The following KCNH1 variants were observed in gnomAD, a reference collection of about 807,000 sequenced individuals.
KCNH1 encodes potassium voltage-gated channel subfamily H member 1.
KCNH1 carries 27 observed loss-of-function variants against 69.2 expected under a neutral mutation model. The ratio of observed to expected loss-of-function variants is 0.39; its 90% confidence interval spans 0.29 to 0.54. The LOEUF (loss-of-function observed/expected upper bound fraction) is 0.54. KCNH1 is among the 20% of genes least tolerant of loss of function. KCNH1 has a pLI of 0.68. For synonymous variants in KCNH1, 456 were observed against 487.7 expected (o/e 0.93, Z 0.86); for missense variants, 798 against 1,261.6 (o/e 0.63, Z 5.57).
chr1:211,093,581 T>C (rs1467470410), intron 3 of KCNH1, among the ~76,000 whole-genome samples: 5 of 152,240 alleles, frequency 3.3e-5, no homozygotes, highest in Non-Finnish European at 7.3e-5. Flanking sequence ...CCACTGCACC[T>C]GGCCATGTTC....
In KCNH1 at chr1:210,920,660, A is replaced by T. The variant is rs534298234; in HGVS notation, c.1033-591T>A. ...TAATTTCTATATTACTTTTATAATT[A>T]AAAAAATAAGTTTATAAATTTAAAA... On this transcript the variant is annotated intron_variant, in intron 6 of 10. Transcript: ENST00000271751. Among the ~76,000 whole-genome samples, 5 of 83,008 alleles carry T rather than the reference A, an allele frequency of 6.0e-5. No individual in the cohort carries two copies. In the East Asian group the frequency reaches 1.1e-3, roughly 19 times the overall value. 54.5% of individuals were successfully genotyped at this position (83,008 alleles called of 152,430 possible). A position where few individuals can be genotyped will look rare whatever the true frequency, so the allele number is the denominator to read the frequency against.
At chr1:210,751,173 C>G (rs183543944) in intron 10 of KCNH1, among the ~76,000 whole-genome samples, 171 of 152,204 alleles carry the variant, frequency 1.1e-3, no homozygotes, top group Non-Finnish European at 2.0e-3. Context: ...GTGTAGGAAA[C>G]TGAGAGGGTC....
intron 5 of KCNH1, 119 bp from the exon 6 acceptor site, chr1:211,019,375 A>C (rs967825091): frequency 2.2e-5 from 14 of 633,362 alleles, no homozygotes; most frequent in African/African-American, 3.6e-5. Flanking sequence ...GTCAGGTACA[A>C]TAACAGGTAT....
chr1:211,103,623 C>T, intron 2 of KCNH1, 21 bp from the exon 3 acceptor site: 1 of 1,470,088 alleles, frequency 6.8e-7, no homozygotes, highest in Non-Finnish European at 9.5e-7. Context: ...CCAAAGAACT[C>T]AAGTTAGATT....
In KCNH1 at chr1:211,134,134, C is replaced by T; in HGVS notation, c.-189G>A. Reference sequence around the variant, plus strand: ...CCTCTTCGCGCCTCCCTCCCTGCGGCCCGCCTCGCAGTGCACTCGCGCCGG... The same window carrying T: ...CCTCTTCGCGCCTCCCTCCCTGCGGTCCGCCTCGCAGTGCACTCGCGCCGG... On this transcript the variant is annotated 5_prime_UTR_variant, in exon 1 of 11. Coordinates refer to ENST00000271751, the MANE Select transcript of KCNH1 (RefSeq NM_172362.3). This position sits in a 1 kb window ranked among gnomAD's most constrained non-coding sequence, Gnocchi z 5.7. The T allele has an allele frequency of 2.1e-6, 1 of 481,234 alleles. No individual in the cohort carries two copies. The highest frequency in any genetic ancestry group is 3.6e-6 in the Non-Finnish European group (1 of 274,016). The allele number at this position is 481,234 out of a possible 1,614,324, so 29.8% of individuals were successfully genotyped here. A position where few individuals can be genotyped will look rare whatever the true frequency, so the allele number is the denominator to read the frequency against.
chr1:211,098,021 G>A (rs554128583), intron 3 of KCNH1, among the ~76,000 whole-genome samples: 34 of 152,296 alleles, frequency 2.2e-4, no homozygotes, highest in African/African-American at 7.0e-4. Context: ...GACAACTGTC[G>A]TTGATATAAG....
At chr1:211,006,975 A>T (rs369936518) in intron 6 of KCNH1, among the ~76,000 whole-genome samples, 2 of 152,152 alleles carry the variant, frequency 1.3e-5, no homozygotes, top group Non-Finnish European at 2.9e-5. Context: ...AAAAAGACAG[A>T]CAATATATGC....
intron 9 of KCNH1, among the ~76,000 whole-genome samples, chr1:210,782,827 T>C (rs149071190): frequency 1.3e-4 from 20 of 152,338 alleles, no homozygotes; most frequent in African/African-American, 4.8e-4. Context: ...GCACCATCTT[T>C]GAATCAGAAA....
intron 10 of KCNH1, among the ~76,000 whole-genome samples, chr1:210,726,845 A>T (rs1265970885): frequency 6.6e-6 from 1 of 152,102 alleles, no homozygotes; most frequent in Non-Finnish European, 1.5e-5. Flanking sequence ...CTATTCATTT[A>T]AAAGTGCAGG....
intron 6 of KCNH1, among the ~76,000 whole-genome samples, chr1:210,938,143 A>G (rs1268484546): frequency 6.6e-6 from 1 of 152,218 alleles, no homozygotes; most frequent in South Asian, 2.1e-4. Context: ...TGGGTCTATA[A>G]TCTCTCAAGT....
chr1:210,683,757 C>T lies in KCNH1; in HGVS notation c.2494G>A (p.Ala832Thr), dbSNP rs2149000906. 2 of 1,614,028 alleles carry T rather than the reference C, an allele frequency of 1.2e-6. No individual in the cohort carries two copies. The highest frequency in any genetic ancestry group is 1.7e-6 in the Non-Finnish European group (2 of 1,180,040). ...LGPKGGGGDC[A>T]KRKSWARFKD... ...AAGCGGGCCCAGCTTTTGCGCTTGG[C>T]ACAATCGCCCCCGCCCCCCTTGGGG... The change falls in exon 11 of 11, where the codon GCC becomes ACC. Residue 832 changes from alanine to threonine, a missense_variant. By Grantham distance (58) the Ala-to-Thr change is moderately conservative. Around this residue, in one of 4 missense-constraint regions of KCNH1, gnomAD observed 331 missense variants for 363.2 expected, o/e 0.91. Transcript: ENST00000271751. This position sits in a 1 kb window ranked among gnomAD's most constrained non-coding sequence, Gnocchi z 5.7.
chr1:210,893,964 A>T (rs1686805033), intron 7 of KCNH1, among the ~76,000 whole-genome samples: 1 of 152,170 alleles, frequency 6.6e-6, no homozygotes, highest in Non-Finnish European at 1.5e-5. Flanking sequence ...AAAATTTACC[A>T]TGTCTCTACT....
At chr1:211,076,760 T>A (rs527930523) in intron 5 of KCNH1, among the ~76,000 whole-genome samples, 115 of 152,324 alleles carry the variant, frequency 7.5e-4, no homozygotes, top group African/African-American at 2.6e-3. Context: ...GAGAATGACT[T>A]TGATGAGCTG....
At chr1:210,956,302 G>A (rs1007812496) in intron 6 of KCNH1, among the ~76,000 whole-genome samples, 4 of 152,192 alleles carry the variant, frequency 2.6e-5, no homozygotes, top group Non-Finnish European at 5.9e-5. Flanking sequence ...GATTCGGTTT[G>A]CCAGTATTTT....
intron 6 of KCNH1, among the ~76,000 whole-genome samples, chr1:210,971,582 G>A (rs1233971809): frequency 1.3e-5 from 2 of 152,024 alleles, no homozygotes; most frequent in Non-Finnish European, 2.9e-5. Context: ...GTATCTGGAT[G>A]GTGAAAATAT....
At chr1:210,833,021 C>CTTTAAGTT (rs915243672) in intron 7 of KCNH1, among the ~76,000 whole-genome samples, 2 of 151,390 alleles carry the variant, frequency 1.3e-5, no homozygotes, top group Admixed American at 1.3e-4. Context: ...AAACATTTAG[C>CTTTAAGTT]TTTAAGTTTT....
At chr1:210,956,245 G>A (rs554921942) in intron 6 of KCNH1, among the ~76,000 whole-genome samples, 2 of 152,278 alleles carry the variant, frequency 1.3e-5, no homozygotes, top group Admixed American at 6.5e-5. Flanking sequence ...GCATCCCAGG[G>A]ATGAAGCCAA....
intron 5 of KCNH1, among the ~76,000 whole-genome samples, chr1:211,056,527 T>A (rs1008824225): frequency 4.6e-5 from 7 of 152,194 alleles, no homozygotes; most frequent in Admixed American, 3.3e-4. Flanking sequence ...TGTAGAGCCC[T>A]TGGGCCTTGA....
intron 1 of KCNH1, among the ~76,000 whole-genome samples, chr1:211,126,301 G>A (rs980214752): frequency 6.6e-6 from 1 of 152,168 alleles, no homozygotes; most frequent in African/African-American, 2.4e-5. Context: ...ACAAGATCAG[G>A]AGATCAAGAC....
Sources: allele counts gnomAD v4.1 joint callset (sites outside exome capture counted in the v4.1 genomes callset), GRCh38; gene constraint gnomAD v4.1.1; regional missense constraint gnomAD v4.1.1; non-coding constraint Gnocchi (gnomAD v3.1); transcripts MANE v1.5; gene names NCBI Gene and HGNC (gene_info 2026-07-23, HGNC 2026-07-21).